Variants in TBPL1 observed in about 807,000 individuals in gnomAD.
TBPL1 encodes the protein TATA-box binding protein like 1.
In TBPL1, 4 loss-of-function variants were observed where a neutral mutation model predicts 22.1. That is an observed-to-expected ratio of 0.18 (90% confidence interval 0.09 to 0.41). The LOEUF is 0.41. TBPL1 is among the 10% of genes least tolerant of loss of function. The pLI, the probability that TBPL1 is intolerant of heterozygous loss-of-function variation, is 1.00. For missense variants in TBPL1, 115 were observed against 222.3 expected, an observed-to-expected ratio of 0.52 and a Z score of 3.07; for synonymous variants, 64 against 71.0, an observed-to-expected ratio of 0.90 and a Z score of 0.50.
At chr6:133,954,400 A>C (rs568928096) in intron 1 of TBPL1, among the ~76,000 whole-genome samples, 2 of 152,276 alleles carry the variant, frequency 1.3e-5, no homozygotes, top group Non-Finnish European at 2.9e-5. Flanking sequence ...CCATCCTGGC[A>C]TAATTTCGCA....
intron 1 of TBPL1, among the ~76,000 whole-genome samples, chr6:133,965,934 C>T (rs972126963): frequency 6.6e-6 from 1 of 152,174 alleles, no homozygotes; most frequent in Non-Finnish European, 1.5e-5. Flanking sequence ...ATGATGGGTT[C>T]TGTTTATCTG....
At chr6:133,984,277 T>C (rs547593386) in intron 4 of TBPL1, 99 bp from the exon 5 acceptor site, 4 of 859,662 alleles carry the variant, frequency 4.7e-6, no homozygotes, top group Non-Finnish European at 7.2e-6. Flanking sequence ...GTTTTTGTTT[T>C]ATCTTGTTTG....
At chr6:133,961,831 C>G (rs1776030345) in intron 1 of TBPL1, among the ~76,000 whole-genome samples, 1 of 152,162 alleles carries the variant, frequency 6.6e-6, no homozygotes, top group African/African-American at 2.4e-5. Flanking sequence ...TGAAGTTTCT[C>G]TTTCATTATC....
chr6:133,978,497 G>A (rs1776353404), intron 1 of TBPL1, among the ~76,000 whole-genome samples: 1 of 152,138 alleles, frequency 6.6e-6, no homozygotes. Flanking sequence ...CTGTGCCTCT[G>A]CTTTTTAATC....
chr6:133,967,227 A>G (rs186321269), intron 1 of TBPL1, among the ~76,000 whole-genome samples: 13 of 152,152 alleles, frequency 8.5e-5, no homozygotes, highest in Non-Finnish European at 1.6e-4. Flanking sequence ...TTTCCAGTTC[A>G]TTGTTATAGA....
intron 1 of TBPL1, among the ~76,000 whole-genome samples, chr6:133,958,243 A>G (rs868588013): frequency 6.6e-6 from 1 of 152,194 alleles, no homozygotes; most frequent in Non-Finnish European, 1.5e-5. Flanking sequence ...ATAAACCCCA[A>G]TGGTTTCATT....
chr6:133,968,668 T>G (rs1434197997), intron 1 of TBPL1, among the ~76,000 whole-genome samples: 5 of 152,016 alleles, frequency 3.3e-5, no homozygotes, highest in African/African-American at 1.2e-4. Context: ...GCATCCAAGT[T>G]TTTTGTTTTG....
chr6:133,953,019 G>A (rs1037499002), upstream of TBPL1, among the ~76,000 whole-genome samples: 2 of 152,120 alleles, frequency 1.3e-5, no homozygotes, highest in Admixed American at 1.3e-4. Context: ...CGGGTGGGCA[G>A]GAGGGGCCTG....
At chr6:133,963,409 C>T (rs944634783) in intron 1 of TBPL1, among the ~76,000 whole-genome samples, 1 of 152,006 alleles carries the variant, frequency 6.6e-6, no homozygotes, top group East Asian at 1.9e-4. Flanking sequence ...TATCTTGTTT[C>T]TGTTGTTTTG....
At chr6:133,960,624 C>G (rs528349455) in intron 1 of TBPL1, among the ~76,000 whole-genome samples, 15 of 152,076 alleles carry the variant, frequency 9.9e-5, no homozygotes, top group Non-Finnish European at 2.1e-4. Context: ...TTTCAAATGC[C>G]TGAAACAATA....
At chr6:133,973,290 T>C (rs1232409374) in intron 1 of TBPL1, among the ~76,000 whole-genome samples, 2 of 152,212 alleles carry the variant, frequency 1.3e-5, no homozygotes, top group Non-Finnish European at 2.9e-5. Context: ...CTCCCCTGCT[T>C]CTGCCATTTC....
In TBPL1 at chr6:133,987,646, G is replaced by GTATATATATATATATATATATA. The variant is rs1165164380; in HGVS notation, c.*607_*608insATATATATATATATATATATAT. ...ATTTTGTGTGTGTGTGTGTGTGTGT[G>GTATATATATATATATATATATA]TGTATATATATATATATATATGCAC... On this transcript the variant is annotated 3_prime_UTR_variant, in exon 7 of 7. Coordinates refer to ENST00000237264, the MANE Select transcript of TBPL1 (RefSeq NM_004865.4). 1 of 133,260 alleles carries GTATATATATATATATATATATA rather than the reference G, an allele frequency of 7.5e-6. No individual in the cohort carries two copies. The highest frequency in any genetic ancestry group is 2.8e-5 in the African/African-American group (1 of 36,180). The allele number at this position is 133,260 out of a possible 1,614,324, so 8.3% of individuals were successfully genotyped here.
rs1248748539 is a variant in TBPL1 at position 133,982,886 on chromosome 6, G to A, written c.282+6G>A. ...TGCAGAAACTAGGTTTTCAGGTAACGTTTTCAAATAGTATCTAAACTACAA... is the reference window on the plus strand; with the variant it reads ...TGCAGAAACTAGGTTTTCAGGTAACATTTTCAAATAGTATCTAAACTACAA... On this transcript the variant is annotated splice_donor_region_variant and intron_variant, in intron 4 of 6. Transcript: ENST00000237264. The A allele has an allele frequency of 2.5e-6, 4 of 1,599,220 alleles. No homozygotes were observed. The highest frequency in any genetic ancestry group is 1.4e-5 in the African/African-American group (1 of 73,976).
chr6:133,981,612 A>G (rs887167840), intron 2 of TBPL1, among the ~76,000 whole-genome samples: 1 of 152,290 alleles, frequency 6.6e-6, no homozygotes, highest in Admixed American at 6.5e-5. Flanking sequence ...TTTTAGTTCA[A>G]ATTTTATCTT....
chr6:133,965,180 G>A (rs1776097655), intron 1 of TBPL1, among the ~76,000 whole-genome samples: 1 of 152,074 alleles, frequency 6.6e-6, no homozygotes, highest in Non-Finnish European at 1.5e-5. Flanking sequence ...TAATTTAATG[G>A]CTAAATTAGT....
intron 1 of TBPL1, among the ~76,000 whole-genome samples, chr6:133,972,555 T>C (rs752058063): frequency 2.6e-5 from 4 of 152,232 alleles, no homozygotes; most frequent in Non-Finnish European, 4.4e-5. Flanking sequence ...AACTACTCAG[T>C]TGTGCTGCGT....
chr6:133,974,171 GTCTACATC>G (rs1163070144), intron 1 of TBPL1, among the ~76,000 whole-genome samples: 1 of 152,106 alleles, frequency 6.6e-6, no homozygotes, highest in Admixed American at 6.5e-5. Flanking sequence ...ATGGACCTCT[GTCTACATC>G]TCTACATCTG....
chr6:133,975,923 T>C (rs1776305152), intron 1 of TBPL1, among the ~76,000 whole-genome samples: 1 of 152,206 alleles, frequency 6.6e-6, no homozygotes, highest in African/African-American at 2.4e-5. Flanking sequence ...ATCTTAAATA[T>C]ATGGTAGTGC....
At chr6:133,985,293 A>G (rs1345171210) in intron 6 of TBPL1, among the ~76,000 whole-genome samples, 1 of 67,136 alleles carries the variant, frequency 1.5e-5, no homozygotes, top group East Asian at 2.9e-4. Context: ...AAAAAAAAAA[A>G]AAAAATATAT....
Sources: allele counts gnomAD v4.1 joint callset (sites outside exome capture counted in the v4.1 genomes callset), GRCh38; gene constraint gnomAD v4.1.1; transcripts MANE v1.5; gene names NCBI Gene and HGNC (gene_info 2026-07-23, HGNC 2026-07-21).